PCLO: variants seen among roughly 807,000 people sequenced by gnomAD.
PCLO encodes the protein protein piccolo.
A neutral mutation model predicts 427.5 loss-of-function variants in PCLO; 82 were observed. That is an observed-to-expected ratio of 0.19 (90% CI 0.16 to 0.23). PCLO has a LOEUF of 0.23. PCLO is among the 10% of genes least tolerant of loss of function. The pLI is 1.00. For synonymous variants in PCLO, 2,357 were observed against 2,155.4 expected (o/e 1.09, Z -2.59); for missense variants, 6,239 against 6,115.9 (o/e 1.02, Z -0.67).
At chr7:82,881,498 T>C (rs1793507617) in intron 9 of PCLO, among the ~76,000 whole-genome samples, 1 of 152,180 alleles carries the variant, frequency 6.6e-6, no homozygotes, top group Non-Finnish European at 1.5e-5. Context: ...CAAAATGCTT[T>C]TGAAATATAC....
chr7:83,159,175 C>T (rs575714091), intron 1 of PCLO, among the ~76,000 whole-genome samples: 2 of 151,950 alleles, frequency 1.3e-5, no homozygotes, highest in South Asian at 2.1e-4. Flanking sequence ...ATCATGTATT[C>T]GTTTTACTTT....
intron 3 of PCLO, among the ~76,000 whole-genome samples, chr7:83,027,545 C>T (rs1788535673): frequency 6.6e-6 from 1 of 151,670 alleles, no homozygotes; most frequent in Admixed American, 6.6e-5. Context: ...GAACTGGTAC[C>T]ATTCCTTCTG....
At chr7:83,075,404 T>G (rs1001608293) in intron 3 of PCLO, among the ~76,000 whole-genome samples, 1 of 152,136 alleles carries the variant, frequency 6.6e-6, no homozygotes, top group Non-Finnish European at 1.5e-5. Flanking sequence ...CTTAGATGAG[T>G]TGGTCTTTTG....
chr7:82,902,571 TATA>T (rs150270529), intron 9 of PCLO, 77 bp downstream of exon 9: 138,822 of 752,700 alleles, frequency 0.18, 14,643 homozygotes, highest in Non-Finnish European at 0.22. Flanking sequence ...AAACTGAAAG[TATA>T]ATAATAAAAA....
At chr7:82,827,480 A>G (rs1267616175) in intron 17 of PCLO, among the ~76,000 whole-genome samples, 2 of 152,078 alleles carry the variant, frequency 1.3e-5, no homozygotes, top group Non-Finnish European at 2.9e-5. Context: ...GGAGTAATAC[A>G]GTTCTATGCA....
chr7:82,904,323 T>A (rs1794129602), intron 8 of PCLO, among the ~76,000 whole-genome samples: 1 of 151,808 alleles, frequency 6.6e-6, no homozygotes, highest in South Asian at 2.1e-4. Flanking sequence ...CTTTCCTTTC[T>A]CTCTGTTACT....
intron 2 of PCLO, among the ~76,000 whole-genome samples, chr7:83,146,946 C>T (rs1792010259): frequency 3.3e-5 from 5 of 151,704 alleles, no homozygotes; most frequent in South Asian, 2.1e-4. Context: ...CACAGCAGAA[C>T]ATCTGTTCCT....
chr7:82,799,188 A>G (rs995333167), intron 22 of PCLO, among the ~76,000 whole-genome samples: 3 of 152,234 alleles, frequency 2.0e-5, no homozygotes, highest in African/African-American at 7.2e-5. Flanking sequence ...GCTTCACTAT[A>G]TATCTAAATT....
chr7:83,075,711 C>T (rs1046681672), intron 3 of PCLO, among the ~76,000 whole-genome samples: 10 of 152,052 alleles, frequency 6.6e-5, no homozygotes, highest in Admixed American at 6.5e-4. Flanking sequence ...CGGGAAATTA[C>T]TCATATGTAT....
intron 3 of PCLO, among the ~76,000 whole-genome samples, chr7:83,104,285 C>A (rs910270987): frequency 6.6e-6 from 1 of 152,136 alleles, no homozygotes; most frequent in South Asian, 2.1e-4. Context: ...GGTCTTAAAT[C>A]ATACTTGATT....
intron 14 of PCLO, among the ~76,000 whole-genome samples, chr7:82,839,255 T>C (rs1470825720): frequency 6.6e-6 from 1 of 152,094 alleles, no homozygotes; most frequent in Admixed American, 6.6e-5. Context: ...AAAACAGATA[T>C]GCTGCATTTA....
rs1187857054 is a variant in PCLO at position 82,955,940 on chromosome 7, C to A, written c.5013G>T (p.Glu1671Asp). ...GGGLRRFKTI[E>D]LNSTIADKYS... ...ATTTATCTGCTATTGTACTGTTGAG[C>A]TCAATTGTTTTAAATCGGCGTAGCC... is the stretch of plus-strand genomic sequence containing the variant. Residue 1671 changes from glutamate to aspartate, a missense_variant, in exon 5 of 25, where the codon GAG becomes GAT. Glu to Asp is a conservative substitution (Grantham distance 45). Coordinates refer to ENST00000333891, the MANE Select transcript of PCLO (RefSeq NM_033026.6). 1.2e-6 allele frequency: 2 copies of A among 1,613,706 alleles called. No homozygotes were observed. Among genetic ancestry groups the A allele is most frequent in the South Asian group, 1.1e-5 (1 of 91,092 alleles).
chr7:83,075,214 A>C (rs1052019381), intron 3 of PCLO, among the ~76,000 whole-genome samples: 1 of 152,166 alleles, frequency 6.6e-6, no homozygotes, highest in African/African-American at 2.4e-5. Flanking sequence ...ATAAGTGCTA[A>C]GTAGTATCGA....
chr7:82,809,937 C>T (rs1438768153), intron 20 of PCLO, among the ~76,000 whole-genome samples: 1 of 151,558 alleles, frequency 6.6e-6, no homozygotes, highest in Admixed American at 6.6e-5. Flanking sequence ...CACTAACCAT[C>T]AGAGATTATA....
At chr7:83,098,558 A>G (rs1790652571) in intron 3 of PCLO, among the ~76,000 whole-genome samples, 1 of 152,168 alleles carries the variant, frequency 6.6e-6, no homozygotes, top group African/African-American at 2.4e-5. Context: ...TGGATGGTAT[A>G]TATAAAGGGA....
chr7:82,845,205 T>A (rs1050422118), intron 13 of PCLO, 66 bp downstream of exon 13: 6 of 1,032,852 alleles, frequency 5.8e-6, no homozygotes, highest in Non-Finnish European at 8.8e-6. Context: ...TATTTTATTT[T>A]CTGTCTCTAT....
chr7:82,821,317 G>C, intron 20 of PCLO: 2 of 986,160 alleles, frequency 2.0e-6, no homozygotes, highest in Non-Finnish European at 2.4e-6. Flanking sequence ...GGGTGAAATG[G>C]AAACCCAGAG....
intron 1 of PCLO, among the ~76,000 whole-genome samples, chr7:83,161,946 G>A (rs1354384140): frequency 5.9e-5 from 9 of 152,196 alleles, no homozygotes; most frequent in Non-Finnish European, 1.2e-4. Flanking sequence ...GACCCGCAAT[G>A]GCCAAGAGGT....
chr7:83,084,629 G>A lies in PCLO; in HGVS notation c.3300+49621C>T, dbSNP rs113232781. 5.1e-3 allele frequency among the ~76,000 whole-genome samples: 777 copies of A among 152,280 alleles called. 2 individuals are homozygous for A. The highest frequency in any genetic ancestry group is 0.017 in the African/African-American group (726 of 41,560). ...AAAAATACTTCTGTAAGTATAGTAA[G>A]TTCAGTGTACCTCATAAGTTGTAGT... On this transcript the variant is annotated intron_variant, in intron 3 of 24. Coordinates refer to ENST00000333891, the MANE Select transcript of PCLO (RefSeq NM_033026.6).
Sources: allele counts gnomAD v4.1 joint callset (sites outside exome capture counted in the v4.1 genomes callset), GRCh38; gene constraint gnomAD v4.1.1; transcripts MANE v1.5; gene names NCBI Gene and HGNC (gene_info 2026-07-23, HGNC 2026-07-21).